The following ROS1 variants were observed in gnomAD, a reference collection of about 807,000 sequenced individuals.
ROS1 encodes the protein ROS proto-oncogene 1, receptor tyrosine kinase, also known as proto-oncogene tyrosine-protein kinase ROS.
Under a neutral mutation model 273.5 loss-of-function variants are expected in ROS1, and 263 were observed. The ratio of observed to expected loss-of-function variants is 0.96; its 90% CI spans 0.87 to 1.06. The LOEUF (loss-of-function observed/expected upper bound fraction) is 1.06, where lower values mean the gene tolerates loss of function less well. Among genes scored for constraint, ROS1 ranks in the 50% least tolerant of loss-of-function variants. ROS1 has a pLI of 0.00. For synonymous variants in ROS1, 1,008 were observed against 954.1 expected, an observed-to-expected ratio of 1.06 and a Z score of -1.04; for missense variants, 2,833 against 2,751.1, an observed-to-expected ratio of 1.03 and a Z score of -0.67.
chr6:117,371,281 T>C (rs1385034653), intron 18 of ROS1, among the ~76,000 whole-genome samples: 1 of 152,068 alleles, frequency 6.6e-6, no homozygotes, highest in African/African-American at 2.4e-5. Flanking sequence ...ATGGGGAGTG[T>C]CCACCCCCGA....
intron 27 of ROS1, 32 bp downstream of exon 27, chr6:117,352,958 G>A (rs2128637613): frequency 1.3e-6 from 2 of 1,599,132 alleles, no homozygotes. Flanking sequence ...TAAATTGGGA[G>A]AACAAGCTGA....
At chr6:117,362,894 A>G (rs746319771) in intron 21 of ROS1, 29 bp from the exon 22 acceptor site, 1 of 1,553,850 alleles carries the variant, frequency 6.4e-7, no homozygotes, top group East Asian at 2.3e-5. Flanking sequence ...GGTAGAGCAG[A>G]AAAGAATATA....
At chr6:117,317,473 A>T (rs1373133322) in intron 38 of ROS1, among the ~76,000 whole-genome samples, 2 of 152,152 alleles carry the variant, frequency 1.3e-5, no homozygotes, top group Non-Finnish European at 2.9e-5. Context: ...GGCCATGAGT[A>T]TGGATAAAAT....
At chr6:117,309,977 C>A in intron 41 of ROS1, 104 bp downstream of exon 41, 2 of 997,616 alleles carry the variant, frequency 2.0e-6, no homozygotes, top group South Asian at 2.9e-5. Flanking sequence ...TCTCTCTGGT[C>A]TTCTGTTTTC....
intron 39 of ROS1, among the ~76,000 whole-genome samples, chr6:117,312,372 G>A (rs1230402301): frequency 2.0e-5 from 3 of 152,080 alleles, no homozygotes; most frequent in Admixed American, 2.0e-4. Flanking sequence ...GAATAATCCT[G>A]ATGTTCTGGG....
At chr6:117,420,611 A>AATC (rs1468032379) in intron 1 of ROS1, among the ~76,000 whole-genome samples, 1 of 149,928 alleles carries the variant, frequency 6.7e-6, no homozygotes, top group Non-Finnish European at 1.5e-5. Context: ...TAATAATAAT[A>AATC]ATAATAATAA....
intron 20 of ROS1, 85 bp from the exon 21 acceptor site, chr6:117,365,289 T>A (rs1440868416): frequency 7.2e-7 from 1 of 1,381,404 alleles, no homozygotes; most frequent in African/African-American, 1.5e-5. Flanking sequence ...CTCCAAACTT[T>A]AGTTCACATG....
chr6:117,409,522 T>C (rs1368833022), intron 5 of ROS1, 60 bp downstream of exon 5: 1 of 1,183,472 alleles, frequency 8.4e-7, no homozygotes, highest in South Asian at 1.2e-5. Context: ...TATCTTTACA[T>C]AAGTACAAGT....
At chr6:117,389,213 T>C in intron 13 of ROS1, 137 bp downstream of exon 13, 1 of 988,664 alleles carries the variant, frequency 1.0e-6, no homozygotes, top group Non-Finnish European at 1.5e-6. Context: ...AAACTTTTTT[T>C]TTAGCTAAGT....
chr6:117,337,411 G>T, intron 31 of ROS1, 71 bp from the exon 32 acceptor site: 2 of 1,161,440 alleles, frequency 1.7e-6, no homozygotes, highest in South Asian at 1.6e-5. Context: ...AAAATGTATA[G>T]GCTTATAGCA....
intron 5 of ROS1, among the ~76,000 whole-genome samples, chr6:117,406,005 T>G (rs914127590): frequency 1.3e-5 from 2 of 152,148 alleles, no homozygotes; most frequent in African/African-American, 4.8e-5. Context: ...TAGCTATTTT[T>G]GGCCAGGCAT....
chr6:117,349,784 T>G (rs146422123), intron 27 of ROS1, among the ~76,000 whole-genome samples: 103 of 152,166 alleles, frequency 6.8e-4, no homozygotes, highest in Admixed American at 1.3e-3. Context: ...ATTTGCAATG[T>G]ATATTTACAA....
At chr6:117,346,828 G>A (rs1370069174) in intron 27 of ROS1, among the ~76,000 whole-genome samples, 1 of 152,082 alleles carries the variant, frequency 6.6e-6, no homozygotes, top group Non-Finnish European at 1.5e-5. Flanking sequence ...AATGTGTAAT[G>A]AGCTGTATCC....
rs887783530 is a variant in ROS1, at chr6:117,406,140, G to GTC, written c.317-1714_317-1713dup. Among the ~76,000 whole-genome samples the GTC allele has an allele frequency of 3.3e-3, 496 of 150,390 alleles. 1 individual carries two copies. Among genetic ancestry groups the GTC allele is most frequent in the African/African-American group, 0.011 (435 of 41,094 alleles). On this transcript the variant is annotated intron_variant, in intron 5 of 43. Coordinates refer to ENST00000368507, the MANE Select transcript of ROS1 (RefSeq NM_001378902.1). ...AGCCTGGGTGACAGAATGAGACTCT[G>GTC]TCTCTCTCTCTCTCTCTCTCATATA...
At chr6:117,308,677 C>T in intron 42 of ROS1, 117 bp downstream of exon 42, 1 of 936,172 alleles carries the variant, frequency 1.1e-6, no homozygotes, top group African/African-American at 1.7e-5. Context: ...GTGGGGTATA[C>T]AATATTTAAG....
chr6:117,330,418 C>G (rs767958865), intron 32 of ROS1, among the ~76,000 whole-genome samples: 1 of 152,236 alleles, frequency 6.6e-6, no homozygotes, highest in African/African-American at 2.4e-5. Context: ...ATCTGGGAAG[C>G]CCAGACAAGT....
intron 43 of ROS1, chr6:117,299,581 G>A (rs1446924098): frequency 6.6e-6 from 1 of 152,190 alleles, no homozygotes; most frequent in East Asian, 1.9e-4. Flanking sequence ...CAAGGTAAAG[G>A]TGTCTCCTGC....
chr6:117,305,391 TCATTCTACCTC>T (rs925866959), intron 42 of ROS1, among the ~76,000 whole-genome samples: 1 of 152,166 alleles, frequency 6.6e-6, no homozygotes, highest in Non-Finnish European at 1.5e-5. Flanking sequence ...CATCACTCAC[TCATTCTACCTC>T]CAAAAGTTCA....
chr6:117,399,415 A>G (rs1773769294), intron 7 of ROS1, among the ~76,000 whole-genome samples: 1 of 152,226 alleles, frequency 6.6e-6, no homozygotes, highest in Non-Finnish European at 1.5e-5. Context: ...TAGTCAGAAT[A>G]ATCAGCAGAG....
Sources: allele counts gnomAD v4.1 joint callset (sites outside exome capture counted in the v4.1 genomes callset), GRCh38; gene constraint gnomAD v4.1.1; transcripts MANE v1.5; gene names NCBI Gene and HGNC (gene_info 2026-07-23, HGNC 2026-07-21).